Variants in CNOT2 observed in about 807,000 individuals in gnomAD.
CNOT2 encodes the protein CCR4-NOT transcription complex subunit 2, also known as CC chemokine receptor 4-negative regulator of transcription 2.
A neutral mutation model predicts 72.1 loss-of-function variants in CNOT2; 7 were observed. The ratio of observed to expected loss-of-function variants is 0.10; its 90% confidence interval spans 0.06 to 0.18. The LOEUF is 0.18. CNOT2 is among the 10% of genes least tolerant of loss of function. CNOT2 has a pLI of 1.00. For synonymous variants in CNOT2, 196 were observed against 225.6 expected (o/e 0.87, Z 1.17); for missense variants, 345 against 660.3 (o/e 0.52, Z 5.23).
At position 70,262,957 on chromosome 12, in the gene CNOT2, G is replaced by GC; in HGVS notation, c.-95-15173dup. 2.0e-5 allele frequency among the ~76,000 whole-genome samples: 3 copies of GC among 152,320 alleles called. 1 individual carries two copies. In the South Asian group the frequency reaches 6.2e-4, roughly 32 times the overall value. ...CAAAGTACTGAGATAACAGGCATGAGCCACCACACCCGGCCTATTTTGCCT... is the reference window on the plus strand; with the variant it reads ...CAAAGTACTGAGATAACAGGCATGAGCCCACCACACCCGGCCTATTTTGCCT... On this transcript the variant is annotated intron_variant, in intron 1 of 15. Transcript: ENST00000229195.
chr12:70,348,903 A>T (rs188555052), intron 15 of CNOT2, among the ~76,000 whole-genome samples: 10 of 152,030 alleles, frequency 6.6e-5, no homozygotes, highest in Admixed American at 2.0e-4. Flanking sequence ...TATCGTGTAC[A>T]GTTGAGCTTT....
chr12:70,320,354 G>A (rs773356827), intron 4 of CNOT2, among the ~76,000 whole-genome samples: 4 of 151,648 alleles, frequency 2.6e-5, no homozygotes, highest in Non-Finnish European at 4.4e-5. Flanking sequence ...AAATTGATTC[G>A]AAGTGGGAGG....
chr12:70,267,823 G>T (rs1959124986), intron 1 of CNOT2, among the ~76,000 whole-genome samples: 1 of 152,250 alleles, frequency 6.6e-6, no homozygotes, highest in Admixed American at 6.5e-5. Flanking sequence ...AGTCTAGCCT[G>T]ACATCTGCTT....
At chr12:70,246,746 A>T (rs1484209884) in intron 1 of CNOT2, among the ~76,000 whole-genome samples, 1 of 152,148 alleles carries the variant, frequency 6.6e-6, no homozygotes, top group Admixed American at 6.5e-5. Flanking sequence ...ACATCCTTTG[A>T]TTTCTATTTT....
intron 3 of CNOT2, among the ~76,000 whole-genome samples, chr12:70,316,967 G>A (rs569361895): frequency 7.2e-5 from 11 of 152,204 alleles, no homozygotes; most frequent in Non-Finnish European, 1.5e-4. Flanking sequence ...TAAGTGTTTT[G>A]TTTGACAATA....
At chr12:70,339,955 G>T (rs760160858) in intron 11 of CNOT2, among the ~76,000 whole-genome samples, 1 of 152,152 alleles carries the variant, frequency 6.6e-6, no homozygotes, top group African/African-American at 2.4e-5. Flanking sequence ...TTCACACTTT[G>T]TTGGGTCATT....
At chr12:70,295,336 C>T (rs1027422083) in intron 2 of CNOT2, among the ~76,000 whole-genome samples, 1 of 152,054 alleles carries the variant, frequency 6.6e-6, no homozygotes, top group African/African-American at 2.4e-5. Flanking sequence ...AAAATACAGA[C>T]TTCCCAGCAG....
At chr12:70,324,736 A>G (rs1280836821) in intron 4 of CNOT2, among the ~76,000 whole-genome samples, 1 of 151,822 alleles carries the variant, frequency 6.6e-6, no homozygotes, top group Non-Finnish European at 1.5e-5. Flanking sequence ...AGCTCCATCC[A>G]TGTTTCTTGT....
intron 14 of CNOT2, chr12:70,345,420 C>T (rs1462104207): frequency 1.3e-5 from 2 of 152,042 alleles, no homozygotes; most frequent in African/African-American, 4.8e-5. Flanking sequence ...TAAATAAATA[C>T]ATTCAGGCAC....
intron 1 of CNOT2, 87 bp downstream of exon 1, chr12:70,243,567 G>A (rs2135665224): frequency 6.6e-6 from 1 of 152,520 alleles, no homozygotes; most frequent in South Asian, 2.1e-4. Flanking sequence ...GCGGGGGAAT[G>A]CCCCGGGGCC....
chr12:70,307,837 C>G (rs1336297257), intron 2 of CNOT2: 2 of 151,926 alleles, frequency 1.3e-5, no homozygotes, highest in Non-Finnish European at 2.9e-5. Flanking sequence ...CCTCCTAATG[C>G]ATTTTCCTGC....
At chr12:70,353,707 T>C (rs991400042) in intron 15 of CNOT2, 122 bp from the exon 16 acceptor site, 3 of 1,445,590 alleles carry the variant, frequency 2.1e-6, no homozygotes, top group South Asian at 2.7e-5. Flanking sequence ...ACAGTTGGTA[T>C]ATCTGTGTTG....
intron 1 of CNOT2, among the ~76,000 whole-genome samples, chr12:70,253,071 T>C (rs189241659): frequency 1.0e-3 from 153 of 152,356 alleles, no homozygotes; most frequent in Non-Finnish European, 1.8e-3. Flanking sequence ...TGAAGTAAGA[T>C]GTGTAATATT....
chr12:70,337,400 A>T lies in CNOT2; in HGVS notation c.787A>T (p.Thr263Ser), dbSNP rs1281750206. Residue 263 changes from threonine to serine, a missense_variant, in exon 9 of 16, where the codon ACA becomes TCA. Thr to Ser is a moderately conservative substitution (Grantham distance 58). Coordinates refer to ENST00000229195, the MANE Select transcript of CNOT2 (RefSeq NM_014515.7). ...AGRAPYVGMV[T>S]KPANEQSQDF... Reference sequence around the variant, plus strand: ...TTTTCATTACATAGTTGGAATGGTAACAAAACCAGCAAATGAACAATCCCA... The same window carrying T: ...TTTTCATTACATAGTTGGAATGGTATCAAAACCAGCAAATGAACAATCCCA... 6.2e-7 allele frequency: 1 copy of T among 1,608,524 alleles called. No homozygotes were observed. The highest frequency in any genetic ancestry group is 1.7e-5 in the Admixed American group (1 of 59,848).
intron 11 of CNOT2, among the ~76,000 whole-genome samples, chr12:70,340,935 G>T (rs934735819): frequency 2.5e-5 from 3 of 119,458 alleles, no homozygotes; most frequent in African/African-American, 1.0e-4. Context: ...TGCTCTTGTC[G>T]CCCAGGCTGG....
At chr12:70,288,193 G>C (rs908809648) in intron 2 of CNOT2, among the ~76,000 whole-genome samples, 2 of 127,994 alleles carry the variant, frequency 1.6e-5, no homozygotes, top group African/African-American at 5.6e-5. Flanking sequence ...GCCTAGGCTG[G>C]AGTGCAATGG....
At chr12:70,305,422 AGTTCAAG>A (rs1423634446) in intron 2 of CNOT2, among the ~76,000 whole-genome samples, 1 of 152,188 alleles carries the variant, frequency 6.6e-6, no homozygotes, top group Non-Finnish European at 1.5e-5. Context: ...GGATTATTAC[AGTTCAAG>A]GTGATATTTG....
rs68143994 is a variant in CNOT2, at chr12:70,288,136, C to CTTTTTTTTTTT, written c.48+9876_48+9886dup. ...GGGTTATTACAATTATGGTGTAGCT[C>CTTTTTTTTTTT]TTTTTTTTTTTTTTTTTTTTTTTTG... On this transcript the variant is annotated intron_variant, in intron 2 of 15. Coordinates refer to ENST00000229195, the MANE Select transcript of CNOT2 (RefSeq NM_014515.7). Among the ~76,000 whole-genome samples, 11 of 86,704 alleles carry CTTTTTTTTTTT rather than the reference C, an allele frequency of 1.3e-4. 1 individual carries two copies. Among genetic ancestry groups the CTTTTTTTTTTT allele is most frequent in the Admixed American group, 2.9e-4 (2 of 6,844 alleles). 56.9% of individuals were successfully genotyped at this position (86,704 alleles called of 152,430 possible).
chr12:70,290,335 T>G (rs1361915920), intron 2 of CNOT2, among the ~76,000 whole-genome samples: 1 of 152,104 alleles, frequency 6.6e-6, no homozygotes, highest in Non-Finnish European at 1.5e-5. Flanking sequence ...GAGATCTTTC[T>G]CTGTGCCAGT....
Sources: allele counts gnomAD v4.1 joint callset (sites outside exome capture counted in the v4.1 genomes callset), GRCh38; gene constraint gnomAD v4.1.1; transcripts MANE v1.5; gene names NCBI Gene and HGNC (gene_info 2026-07-23, HGNC 2026-07-21).